The following ART4 variants were observed in gnomAD, a reference collection of about 807,000 sequenced individuals.
The protein encoded by ART4 is ecto-ADP-ribosyltransferase 4.
A neutral mutation model predicts 24.2 loss-of-function variants in ART4; 14 were observed. That is an observed-to-expected ratio of 0.58 (90% CI 0.38 to 0.90). The LOEUF (loss-of-function observed/expected upper bound fraction) is 0.90. Ranked by LOEUF, ART4 falls within the 40% of genes least tolerant of loss-of-function variation. ART4 has a pLI of 0.00. For missense variants in ART4, 356 were observed against 366.6 expected, an observed-to-expected ratio of 0.97 and a Z score of 0.24; for synonymous variants, 145 against 139.9, an observed-to-expected ratio of 1.04 and a Z score of -0.26.
At chr12:14,842,876 G>T in intron 1 of ART4, 94 bp downstream of exon 1, 1 of 1,390,346 alleles carries the variant, frequency 7.2e-7, no homozygotes, top group Non-Finnish European at 9.7e-7. Context: ...GATTCTGAAT[G>T]CCTAAGTTTT....
chr12:14,828,085 A>C lies in ART4; in HGVS notation c.*1286T>G, dbSNP rs1021051666. 4 of 152,228 alleles carry C rather than the reference A, an allele frequency of 2.6e-5. No individual in the cohort carries two copies. Among genetic ancestry groups the C allele is most frequent in the African/African-American group, 9.6e-5 (4 of 41,464 alleles). 9.4% of individuals were successfully genotyped at this position (152,228 alleles called of 1,614,324 possible). A position where few individuals can be genotyped will look rare whatever the true frequency, so the allele number is the denominator to read the frequency against. On this transcript the variant is annotated 3_prime_UTR_variant, in exon 3 of 3. Transcript: ENST00000228936. ...AATCCCTTATGTCGCTACCTAAATT[A>C]CTACCTGAGGGAAGCGTTAGAGGAC...
chr12:14,837,808 C>T (rs1950441219), intron 2 of ART4, among the ~76,000 whole-genome samples: 1 of 152,192 alleles, frequency 6.6e-6, no homozygotes, highest in Admixed American at 6.5e-5. Flanking sequence ...AGCCACCGCA[C>T]TTGGCCAATA....
chr12:14,828,866 G>C lies in ART4; in HGVS notation c.*505C>G, dbSNP rs1592247085. On this transcript the variant is annotated 3_prime_UTR_variant, in exon 3 of 3. Coordinates refer to ENST00000228936, the MANE Select transcript of ART4 (RefSeq NM_021071.4). ...TGTTAGATCCTTTCTCAAGGAGATG[G>C]GGTCTCCTCTCCTGGTGGCGGGATC... is the stretch of plus-strand genomic sequence containing the variant. The C allele has an allele frequency of 6.6e-6, 1 of 152,336 alleles. No homozygotes were observed. Among genetic ancestry groups the C allele is most frequent in the African/African-American group, 2.4e-5 (1 of 41,422 alleles). The allele number at this position is 152,336 out of a possible 1,614,324, so 9.4% of individuals were successfully genotyped here. A position where few individuals can be genotyped will look rare whatever the true frequency, so the allele number is the denominator to read the frequency against.
In ART4 at chr12:14,840,576, A is replaced by C. The variant is rs1950461063; in HGVS notation, c.722T>G (p.Leu241Arg). The change falls in exon 2 of 3, where the codon CTC becomes CGC. Residue 241 changes from leucine to arginine, a missense_variant. Transcript: ENST00000228936. The part of the protein sequence containing the change: ...CLGAPVQYFS[L>R]KKEVLIPPYE... ...GGGAGGGATCAAGACTTCCTTCTTG[A>C]GGGAGAAGTACTGTACAGGTGCACC... The C allele has an allele frequency of 6.2e-7, 1 of 1,614,072 alleles. No individual in the cohort carries two copies. The highest frequency in any genetic ancestry group is 1.7e-5 in the Admixed American group (1 of 60,000).
At chr12:14,834,117 C>T (rs1950413616) in intron 2 of ART4, among the ~76,000 whole-genome samples, 1 of 152,178 alleles carries the variant, frequency 6.6e-6, no homozygotes, top group African/African-American at 2.4e-5. Context: ...GAAACAGGCT[C>T]AGAGGTTAAG....
intron 2 of ART4, among the ~76,000 whole-genome samples, chr12:14,832,077 C>T (rs1196203179): frequency 1.3e-5 from 2 of 152,054 alleles, no homozygotes; most frequent in Non-Finnish European, 2.9e-5. Context: ...CTCTGCTTAC[C>T]TCATTACAGT....
At chr12:14,842,022 T>A (rs1448120730) in intron 1 of ART4, among the ~76,000 whole-genome samples, 1 of 152,210 alleles carries the variant, frequency 6.6e-6, no homozygotes, top group African/African-American at 2.4e-5. Flanking sequence ...GGAATGTGCC[T>A]AGGAAAGTCC....
At chr12:14,841,333 A>G in intron 1 of ART4, 180 bp from the exon 2 acceptor site, 1 of 544,354 alleles carries the variant, frequency 1.8e-6, no homozygotes, top group Non-Finnish European at 3.1e-6. Context: ...TGTGCTAGAG[A>G]TTGAATTTGG....
intron 2 of ART4, among the ~76,000 whole-genome samples, chr12:14,833,824 T>C (rs777283440): frequency 6.6e-6 from 1 of 152,202 alleles, no homozygotes; most frequent in Non-Finnish European, 1.5e-5. Context: ...ATAGCCTCTT[T>C]CTGTCAAAAT....
Position 14,841,020 on chromosome 12 carries a change from T to C in ART4, c.278A>G (p.Tyr93Cys). Residue 93 changes from tyrosine (Y) to cysteine (C), a missense_variant, in exon 2 of 3, where the codon TAT becomes TGT. By Grantham distance (194) the Tyr-to-Cys change is radical. Transcript: ENST00000228936. ...FTKDIEAQKNYFRMWQKAHLA... is the reference protein window; with the variant it reads ...FTKDIEAQKNCFRMWQKAHLA... ...GTGGGCTTTTTGCCACATCCTAAAA[T>C]AATTCTTCTGGGCTTCTATGTCTTT... is the stretch of plus-strand genomic sequence containing the variant. The C allele has an allele frequency of 6.2e-7, 1 of 1,614,234 alleles. No homozygotes were observed. The highest frequency in any genetic ancestry group is 8.5e-7 in the Non-Finnish European group (1 of 1,180,034).
intron 2 of ART4, among the ~76,000 whole-genome samples, chr12:14,835,738 T>C (rs962374457): frequency 2.0e-5 from 3 of 152,002 alleles, no homozygotes; most frequent in Non-Finnish European, 2.9e-5. Flanking sequence ...CCTGAGTAGC[T>C]GGGATTACAG....
intron 2 of ART4, among the ~76,000 whole-genome samples, chr12:14,833,826 T>G (rs115763896): frequency 6.6e-6 from 1 of 152,220 alleles, no homozygotes; most frequent in Non-Finnish European, 1.5e-5. Flanking sequence ...AGCCTCTTTC[T>G]GTCAAAATGC....
Position 14,843,404 on chromosome 12 carries a change from GATCTAGTCTGT to G in ART4, c.-302_-292del, listed in dbSNP as rs1863088515. On this transcript the variant is annotated 5_prime_UTR_variant, in exon 1 of 3. Coordinates refer to ENST00000228936, the MANE Select transcript of ART4 (RefSeq NM_021071.4). ...TTTCAATTAAAAAAATAAAATCTCT[GATCTAGTCTGT>G]ATTCAGGGGAATGCCGAAGTCCTGT... The G allele has an allele frequency of 3.4e-6, 1 of 292,754 alleles. No homozygotes were observed. Among genetic ancestry groups the G allele is most frequent in the South Asian group, 3.7e-5 (1 of 27,144 alleles). 18.1% of individuals were successfully genotyped at this position (292,754 alleles called of 1,614,324 possible). A position where few individuals can be genotyped will look rare whatever the true frequency, so the allele number is the denominator to read the frequency against.
rs140754622 is a variant in ART4, at chr12:14,841,134, A to G, written c.164T>C (p.Phe55Ser). The G allele has an allele frequency of 5.8e-5, 92 of 1,572,728 alleles. No individual in the cohort carries two copies. The African/African-American group carries it at 1.2e-3, about 21-fold the overall frequency. ...ATCAAAAGAACCTGGTGCGAAGTCGAAGTCGATTTTAATTGCAACCTGTAA... is the reference window on the plus strand; with the variant it reads ...ATCAAAAGAACCTGGTGCGAAGTCGGAGTCGATTTTAATTGCAACCTGTAA... ...EGSEVAIKID[F>S]DFAPGSFDDQ... is the part of the protein sequence containing the mutation. Residue 55 changes from phenylalanine (F) to serine (S), a missense_variant, in exon 2 of 3, where the codon TTC becomes TCC. Coordinates refer to ENST00000228936, the MANE Select transcript of ART4 (RefSeq NM_021071.4).
chr12:14,830,649 G>GTGTATATATATA lies in ART4; in HGVS notation c.854-1188_854-1187insTATATATATACA, dbSNP rs1184732964. 1.2e-4 allele frequency among the ~76,000 whole-genome samples: 3 copies of GTGTATATATATA among 25,922 alleles called. 1 individual carries two copies. Among genetic ancestry groups the GTGTATATATATA allele is most frequent in the South Asian group, 1.7e-3 (1 of 594 alleles). 17.0% of individuals were successfully genotyped at this position (25,922 alleles called of 152,430 possible). A position where few individuals can be genotyped will look rare whatever the true frequency, so the allele number is the denominator to read the frequency against. ...GTGTGTATGTGTGTACTGTATGTAT[G>GTGTATATATATA]TATATATATATATATATATATATAT... On this transcript the variant is annotated intron_variant, in intron 2 of 2. Transcript: ENST00000228936.
At position 14,829,354 on chromosome 12, in the gene ART4, G is replaced by A. The variant is rs1298002843; in HGVS notation, c.*17C>T. ...ATTTAAATATTTTTTTTAAATAAAA[G>A]GAGCCACAAGATTTCTTTATACTCT... On this transcript the variant is annotated 3_prime_UTR_variant, in exon 3 of 3. Transcript: ENST00000228936. 1.4e-6 allele frequency: 2 copies of A among 1,477,770 alleles called. No homozygotes were observed. Among genetic ancestry groups the A allele is most frequent in the Non-Finnish European group, 1.8e-6 (2 of 1,104,116 alleles). The allele number at this position is 1,477,770 out of a possible 1,614,324, so 91.5% of individuals were successfully genotyped here.
In ART4 at chr12:14,840,564, A is replaced by T; in HGVS notation, c.734T>A (p.Val245Asp). The T allele has an allele frequency of 6.2e-7, 1 of 1,614,124 alleles. No homozygotes were observed. The highest frequency in any genetic ancestry group is 8.5e-7 in the Non-Finnish European group (1 of 1,180,004). ...PVQYFSLKKE[V>D]LIPPYELFKV... ...AAACAGCTCATAGGGAGGGATCAAGACTTCCTTCTTGAGGGAGAAGTACTG... is the reference window on the plus strand; with the variant it reads ...AAACAGCTCATAGGGAGGGATCAAGTCTTCCTTCTTGAGGGAGAAGTACTG... The change falls in exon 2 of 3, where the codon GTC (valine) becomes GAC (aspartate). Residue 245 changes from valine to aspartate, a missense_variant. Physicochemically the swap from Val to Asp is radical, Grantham distance 152. Transcript: ENST00000228936.
chr12:14,837,993 G>A (rs897979101), intron 2 of ART4, among the ~76,000 whole-genome samples: 1 of 152,174 alleles, frequency 6.6e-6, no homozygotes, highest in Non-Finnish European at 1.5e-5. Context: ...TGCCTGCCTA[G>A]TTCTCAAATA....
Position 14,838,954 on chromosome 12 carries a change from C to T in ART4, c.853+1491G>A, listed in dbSNP as rs934627249. Among the ~76,000 whole-genome samples, 56 of 151,690 alleles carry T rather than the reference C, an allele frequency of 3.7e-4. 1 individual carries two copies. The highest frequency in any genetic ancestry group is 2.9e-5 in the Non-Finnish European group (2 of 67,922). ...GCACAGGATTTGCTACACAACTACC[C>T]CTCCATGAAATGGCTAGGTGGCAAC... On this transcript the variant is annotated intron_variant, in intron 2 of 2. Transcript: ENST00000228936.
Sources: allele counts gnomAD v4.1 joint callset (sites outside exome capture counted in the v4.1 genomes callset), GRCh38; gene constraint gnomAD v4.1.1; transcripts MANE v1.5; gene names NCBI Gene and HGNC (gene_info 2026-07-23, HGNC 2026-07-21).